Variants in L3MBTL4 observed in about 807,000 individuals in gnomAD.
L3MBTL4 encodes the protein L3MBTL histone methyl-lysine binding protein 4.
L3MBTL4 carries 70 observed loss-of-function variants against 84.5 expected under a neutral mutation model. The ratio of observed to expected loss-of-function variants is 0.83; its 90% CI spans 0.68 to 1.01. L3MBTL4 has a LOEUF of 1.01. Ranked by LOEUF, L3MBTL4 falls within the 50% of genes least tolerant of loss-of-function variation. The pLI, the probability that L3MBTL4 is intolerant of heterozygous loss-of-function variation, is 0.00. For synonymous variants in L3MBTL4, 274 were observed against 259.8 expected, an observed-to-expected ratio of 1.05 and a Z score of -0.52; for missense variants, 715 against 754.8, an observed-to-expected ratio of 0.95 and a Z score of 0.62.
intron 15 of L3MBTL4, among the ~76,000 whole-genome samples, chr18:6,092,198 A>C (rs2058482853): frequency 6.6e-6 from 1 of 152,258 alleles, no homozygotes; most frequent in South Asian, 2.1e-4. Context: ...CAAAATATTC[A>C]AAATTTAACA....
At chr18:5,972,917 TA>T (rs2052723794) in intron 16 of L3MBTL4, among the ~76,000 whole-genome samples, 1 of 26,806 alleles carries the variant, frequency 3.7e-5, no homozygotes, top group African/African-American at 2.9e-4. Context: ...TAGAATAGAA[TA>T]GAATAGAATA....
chr18:6,142,837 T>C (rs905221578), intron 13 of L3MBTL4, among the ~76,000 whole-genome samples: 1 of 152,138 alleles, frequency 6.6e-6, no homozygotes, highest in Non-Finnish European at 1.5e-5. Context: ...TGGGAGGATC[T>C]CTTGAGCCCA....
At chr18:6,257,921 G>C (rs554037323) in intron 5 of L3MBTL4, among the ~76,000 whole-genome samples, 1 of 152,204 alleles carries the variant, frequency 6.6e-6, no homozygotes, top group South Asian at 2.1e-4. Flanking sequence ...GCTGGGATTA[G>C]AGGCATGAGC....
chr18:6,329,688 G>A (rs2051924223), intron 1 of L3MBTL4, among the ~76,000 whole-genome samples: 1 of 152,106 alleles, frequency 6.6e-6, no homozygotes, highest in Admixed American at 6.6e-5. Context: ...ACATGGTGAG[G>A]GGGCTGAGCA....
At chr18:6,330,477 CT>C (rs2051972994) in intron 1 of L3MBTL4, among the ~76,000 whole-genome samples, 1 of 152,242 alleles carries the variant, frequency 6.6e-6, no homozygotes, top group Non-Finnish European at 1.5e-5. Context: ...ATCAAGTCTT[CT>C]TAGGATATGT....
chr18:5,958,612 A>T (rs1330292223), intron 18 of L3MBTL4, among the ~76,000 whole-genome samples: 1 of 152,222 alleles, frequency 6.6e-6, no homozygotes, highest in Non-Finnish European at 1.5e-5. Flanking sequence ...TGACTTGCCC[A>T]AGCTCATGCA....
At chr18:6,137,308 A>T (rs954385826) in intron 14 of L3MBTL4, among the ~76,000 whole-genome samples, 2 of 152,088 alleles carry the variant, frequency 1.3e-5, no homozygotes, top group Admixed American at 1.3e-4. Flanking sequence ...CACATATCAC[A>T]TTTATATTCA....
chr18:6,162,910 A>C (rs2043412104), intron 13 of L3MBTL4, among the ~76,000 whole-genome samples: 1 of 152,160 alleles, frequency 6.6e-6, no homozygotes, highest in Non-Finnish European at 1.5e-5. Flanking sequence ...TTTGAGAGGA[A>C]AATGGTGGAC....
chr18:5,961,097 T>G (rs2095261209), intron 17 of L3MBTL4, among the ~76,000 whole-genome samples: 1 of 152,220 alleles, frequency 6.6e-6, no homozygotes, highest in Non-Finnish European at 1.5e-5. Context: ...GGGAACTGTT[T>G]TGCTTGTTTT....
intron 1 of L3MBTL4, among the ~76,000 whole-genome samples, chr18:6,345,371 TG>T (rs2052841935): frequency 2.0e-5 from 3 of 151,822 alleles, no homozygotes; most frequent in African/African-American, 7.3e-5. Flanking sequence ...CACTCCAGCC[TG>T]GCAACAGAGT....
intron 12 of L3MBTL4, among the ~76,000 whole-genome samples, chr18:6,208,441 G>C (rs2045963328): frequency 6.6e-6 from 1 of 152,138 alleles, no homozygotes. Context: ...AATAGGAAAA[G>C]ACTTGTTGAA....
chr18:6,342,493 T>A (rs987904436), intron 1 of L3MBTL4, among the ~76,000 whole-genome samples: 2 of 152,180 alleles, frequency 1.3e-5, no homozygotes, highest in African/African-American at 4.8e-5. Context: ...TGAACTAAAG[T>A]TGTTATCAGC....
chr18:6,333,607 T>TA (rs1279354680), intron 1 of L3MBTL4, among the ~76,000 whole-genome samples: 1 of 149,908 alleles, frequency 6.7e-6, no homozygotes, highest in African/African-American at 2.5e-5. Flanking sequence ...TGTTTATGAA[T>TA]AAGATTAGCA....
intron 3 of L3MBTL4, among the ~76,000 whole-genome samples, chr18:6,308,369 T>C (rs1020309215): frequency 2.3e-4 from 35 of 152,202 alleles, no homozygotes; most frequent in African/African-American, 8.2e-4. Flanking sequence ...CTTTGGAGGA[T>C]GATACCTAGT....
At chr18:6,124,990 T>A (rs2059642531) in intron 14 of L3MBTL4, among the ~76,000 whole-genome samples, 1 of 152,196 alleles carries the variant, frequency 6.6e-6, no homozygotes, top group Non-Finnish European at 1.5e-5. Context: ...TAGCATTGCC[T>A]CTTTCCCAAA....
chr18:6,396,822 A>T (rs2055292692), intron 1 of L3MBTL4: 1 of 152,216 alleles, frequency 6.6e-6, no homozygotes, highest in Non-Finnish European at 1.5e-5. Flanking sequence ...TTATGCTTAT[A>T]AAGTCATTTG....
intron 1 of L3MBTL4, among the ~76,000 whole-genome samples, chr18:6,349,065 AT>A (rs906710804): frequency 1.3e-5 from 2 of 152,256 alleles, no homozygotes; most frequent in Admixed American, 6.5e-5. Context: ...AGAAGAAGCA[AT>A]TAAAACTCTC....
intron 1 of L3MBTL4, among the ~76,000 whole-genome samples, chr18:6,344,333 C>T (rs977312947): frequency 6.6e-6 from 1 of 151,968 alleles, no homozygotes; most frequent in African/African-American, 2.4e-5. Flanking sequence ...TACAATCTAC[C>T]CAAACTGAAC....
chr18:6,238,402 G>A (rs140322850), intron 9 of L3MBTL4, among the ~76,000 whole-genome samples: 3,082 of 152,144 alleles, frequency 0.02, 112 homozygotes, highest in African/African-American at 0.071. Context: ...GTGTGGTGGC[G>A]GGCGCCTGTA....
Sources: allele counts gnomAD v4.1 joint callset (sites outside exome capture counted in the v4.1 genomes callset), GRCh38; gene constraint gnomAD v4.1.1; transcripts MANE v1.5; gene names NCBI Gene and HGNC (gene_info 2026-07-23, HGNC 2026-07-21).